The following ZCCHC2 variants were observed in gnomAD, a reference collection of about 807,000 sequenced individuals.
ZCCHC2 encodes the protein zinc finger CCHC-type containing 2, also known as zinc finger CCHC domain-containing protein 2.
Under a neutral mutation model 103.6 loss-of-function variants are expected in ZCCHC2, and 39 were observed. The observed-to-expected ratio is 0.38, with a 90% CI of 0.29 to 0.49. The LOEUF is 0.49. Ranked by LOEUF, ZCCHC2 falls within the 20% of genes least tolerant of loss-of-function variation. The pLI is 0.96. For missense variants in ZCCHC2, 1,483 were observed against 1,491.0 expected (o/e 0.99, Z 0.09); for synonymous variants, 687 against 608.9 (o/e 1.13, Z -1.89).
chr18:62,537,536 T>G (rs1234808367), intron 1 of ZCCHC2, among the ~76,000 whole-genome samples: 1 of 152,230 alleles, frequency 6.6e-6, no homozygotes, highest in Non-Finnish European at 1.5e-5. Flanking sequence ...TCATGCTGTA[T>G]TTGTTCTTTT....
chr18:62,539,463 G>A (rs1915078231), intron 1 of ZCCHC2: 1 of 431,380 alleles, frequency 2.3e-6, no homozygotes, highest in South Asian at 2.9e-5. Context: ...GCAATTTCCT[G>A]TGTCCCAAGA....
intron 9 of ZCCHC2, 49 bp downstream of exon 9, chr18:62,563,193 C>T: frequency 6.4e-7 from 1 of 1,556,596 alleles, no homozygotes; most frequent in Non-Finnish European, 8.7e-7. Context: ...CATTGCTCCT[C>T]TATAAGAAAA....
In ZCCHC2 at chr18:62,534,633, G is replaced by T. The variant is rs546420548; in HGVS notation, c.940-5048G>T. On this transcript the variant is annotated intron_variant, in intron 1 of 13. Transcript: ENST00000269499. ...ATGTTGGGGAATTTTTATGTTTCTT[G>T]TTAGAAATGTCTAAATTGGGATGTG... 3.3e-5 allele frequency among the ~76,000 whole-genome samples: 5 copies of T among 152,320 alleles called. No individual in the cohort carries two copies. The East Asian group carries it at 9.6e-4, about 29-fold the overall frequency.
chr18:62,563,759 A>G (rs1202087913), intron 9 of ZCCHC2, among the ~76,000 whole-genome samples: 1 of 152,240 alleles, frequency 6.6e-6, no homozygotes, highest in Non-Finnish European at 1.5e-5. Context: ...TTGGTCTTGA[A>G]AGAATTAGAA....
rs369475425 is a variant in ZCCHC2 at position 62,542,482 on chromosome 18, G to T, written c.1052-16G>T. 6 of 1,547,286 alleles carry T rather than the reference G, an allele frequency of 3.9e-6. No homozygotes were observed. The highest frequency in any genetic ancestry group is 1.2e-5 in the South Asian group (1 of 83,870). ...GTCTTTGTAGCACAAGTCACCGTGT[G>T]TTTTTTTTCTTTCAGCTGTACACAT... On this transcript the variant is annotated splice_polypyrimidine_tract_variant and intron_variant, in intron 2 of 13. Transcript: ENST00000269499.
intron 4 of ZCCHC2, 64 bp downstream of exon 4, chr18:62,544,937 C>T (rs551626492): frequency 9.3e-5 from 122 of 1,312,726 alleles, no homozygotes; most frequent in Non-Finnish European, 1.1e-4. Context: ...GAAACCTCAA[C>T]GTCAAAAAAA....
In ZCCHC2 at chr18:62,523,897, C is replaced by G. The variant is rs1037157917; in HGVS notation, c.473C>G (p.Pro158Arg). 1 of 1,539,268 alleles carries G rather than the reference C, an allele frequency of 6.5e-7. No homozygotes were observed. The change falls in exon 1 of 14, where the codon CCG (proline) becomes CGG (arginine). Residue 158 changes from proline to arginine, a missense_variant. This residue lies in a region of ZCCHC2 where 568 missense variants were observed against 525.1 expected (regional missense o/e 1.08). Transcript: ENST00000269499. ...GCCAAGGCCAACGGCCTCTCGGACCCGGGGCCGCTGGCCGACTTCCGAGAG... is the reference window on the plus strand; with the variant it reads ...GCCAAGGCCAACGGCCTCTCGGACCGGGGGCCGCTGGCCGACTTCCGAGAG... ...SEAKANGLSD[P>R]GPLADFREPA...
At chr18:62,564,261 G>C (rs1384210574) in intron 9 of ZCCHC2, among the ~76,000 whole-genome samples, 2 of 152,194 alleles carry the variant, frequency 1.3e-5, no homozygotes, top group South Asian at 4.1e-4. Context: ...TACTTGAAGA[G>C]AATAGTAGTA....
At chr18:62,538,104 A>G (rs369498622) in intron 1 of ZCCHC2, among the ~76,000 whole-genome samples, 3 of 152,108 alleles carry the variant, frequency 2.0e-5, no homozygotes, top group African/African-American at 7.2e-5. Flanking sequence ...GCTTTAAGCA[A>G]TGGTTGACTG....
intron 12 of ZCCHC2, among the ~76,000 whole-genome samples, chr18:62,573,571 A>G (rs1002958046): frequency 1.3e-5 from 2 of 152,354 alleles, no homozygotes; most frequent in Middle Eastern, 3.4e-3. Context: ...AAAAACAACA[A>G]CAACAACAAA....
chr18:62,523,376 G>GCGCCGCC lies in ZCCHC2; in HGVS notation c.-48_-47insGCCGCCC. 5 of 1,012,348 alleles carry GCGCCGCC rather than the reference G, an allele frequency of 4.9e-6. No individual in the cohort carries two copies. The highest frequency in any genetic ancestry group is 5.9e-6 in the Non-Finnish European group (5 of 848,986). The allele number at this position is 1,012,348 out of a possible 1,614,324, so 62.7% of individuals were successfully genotyped here. ...GCCTCGGCCCGTGCTCCACCTCGCG[G>GCGCCGCC]CCCCTCCCGCCCGCCCCCGCTCGCA... On this transcript the variant is annotated 5_prime_UTR_variant, in exon 1 of 14. Coordinates refer to ENST00000269499, the MANE Select transcript of ZCCHC2 (RefSeq NM_017742.6).
At chr18:62,546,192 C>A (rs936862046) in intron 4 of ZCCHC2, among the ~76,000 whole-genome samples, 1 of 152,180 alleles carries the variant, frequency 6.6e-6, no homozygotes, top group Non-Finnish European at 1.5e-5. Context: ...AGAGAGATGG[C>A]ATAGGTCTGT....
At chr18:62,554,684 G>A (rs906483648) in intron 5 of ZCCHC2, among the ~76,000 whole-genome samples, 1 of 152,194 alleles carries the variant, frequency 6.6e-6, no homozygotes, top group African/African-American at 2.4e-5. Flanking sequence ...AGGTGTGCCT[G>A]TGCTTTTGAC....
chr18:62,527,226 C>T (rs1914467415), intron 1 of ZCCHC2, among the ~76,000 whole-genome samples: 1 of 152,042 alleles, frequency 6.6e-6, no homozygotes, highest in South Asian at 2.1e-4. Context: ...ACCTGGCTCT[C>T]ACAGGACTTC....
chr18:62,542,537 GA>G lies in ZCCHC2; in HGVS notation c.1096del (p.Arg366GlufsTer12). 1 of 1,566,152 alleles carries G rather than the reference GA, an allele frequency of 6.4e-7. No homozygotes were observed. The highest frequency in any genetic ancestry group is 8.7e-7 in the Non-Finnish European group (1 of 1,153,992). On this transcript the variant is annotated frameshift_variant, in exon 3 of 14. Coordinates refer to ENST00000269499, the MANE Select transcript of ZCCHC2 (RefSeq NM_017742.6). LOFTEE classifies it high-confidence loss of function. Reference protein sequence around the residue: ...IEKIMLKGVQRKRADKYWEYT... With the variant: ...IEKIMLKGVQXKRADKYWEYT... ...AAGATAATGTTGAAAGGAGTCCAGA[GA>G]AAAAGAGCTGACAAATACTGGGAGT...
At chr18:62,573,435 A>C (rs1332403105) in intron 12 of ZCCHC2, among the ~76,000 whole-genome samples, 1 of 152,068 alleles carries the variant, frequency 6.6e-6, no homozygotes, top group Non-Finnish European at 1.5e-5. Flanking sequence ...ATTTTGGAGA[A>C]ATTGCCACAC....
At chr18:62,540,400 G>C (rs1158195511) in intron 2 of ZCCHC2, among the ~76,000 whole-genome samples, 2 of 150,086 alleles carry the variant, frequency 1.3e-5, no homozygotes, top group African/African-American at 4.9e-5. Flanking sequence ...TTCACACTCA[G>C]TTATAACAAT....
chr18:62,546,831 T>A (rs1310771468), intron 4 of ZCCHC2, among the ~76,000 whole-genome samples: 1 of 152,212 alleles, frequency 6.6e-6, no homozygotes, highest in Non-Finnish European at 1.5e-5. Context: ...AATTCACTCT[T>A]CAGAATCATA....
chr18:62,583,611 G>T (rs1177210452), intron 14 of ZCCHC2, among the ~76,000 whole-genome samples: 1 of 151,660 alleles, frequency 6.6e-6, no homozygotes, highest in Non-Finnish European at 1.5e-5. Flanking sequence ...GGCAAGCTGT[G>T]ACAATAGTTC....
Sources: allele counts gnomAD v4.1 joint callset (sites outside exome capture counted in the v4.1 genomes callset), GRCh38; gene constraint gnomAD v4.1.1; regional missense constraint gnomAD v4.1.1; transcripts MANE v1.5; gene names NCBI Gene and HGNC (gene_info 2026-07-23, HGNC 2026-07-21).